Variants in ADCY2 observed in about 807,000 individuals in gnomAD.
The protein encoded by ADCY2 is adenylate cyclase 2, also known as adenylate cyclase type 2.
Under a neutral mutation model 125.2 loss-of-function variants are expected in ADCY2, and 31 were observed. The observed-to-expected ratio is 0.25, with a 90% CI of 0.19 to 0.33. The LOEUF (loss-of-function observed/expected upper bound fraction) is 0.33, where lower values mean the gene tolerates loss of function less well. Among genes scored for constraint, ADCY2 ranks in the 10% least tolerant of loss-of-function variants. ADCY2 has a pLI of 1.00. For synonymous variants in ADCY2, 512 were observed against 548.4 expected, an observed-to-expected ratio of 0.93 and a Z score of 0.93; for missense variants, 904 against 1,418.2, an observed-to-expected ratio of 0.64 and a Z score of 5.82.
chr5:7,627,131 A>G (rs959796944), intron 4 of ADCY2, among the ~76,000 whole-genome samples: 4 of 152,032 alleles, frequency 2.6e-5, no homozygotes, highest in Non-Finnish European at 5.9e-5. Flanking sequence ...CACTTCCTAC[A>G]GCGCCTGTTG....
chr5:7,416,918 C>A (rs1449084578), intron 2 of ADCY2, among the ~76,000 whole-genome samples: 1 of 152,094 alleles, frequency 6.6e-6, no homozygotes, highest in Non-Finnish European at 1.5e-5. Flanking sequence ...AGGCCAAGTA[C>A]CTCTTCTTGT....
chr5:7,404,709 A>G (rs1462722446), intron 1 of ADCY2, among the ~76,000 whole-genome samples: 1 of 152,180 alleles, frequency 6.6e-6, no homozygotes, highest in African/African-American at 2.4e-5. Flanking sequence ...CATAAAACTT[A>G]ATGACTGGAA....
chr5:7,682,685 T>C (rs1728290396), intron 4 of ADCY2, among the ~76,000 whole-genome samples: 1 of 152,188 alleles, frequency 6.6e-6, no homozygotes, highest in Non-Finnish European at 1.5e-5. Flanking sequence ...GATCATAGTG[T>C]TCCTTTTCTT....
rs74922186 is a variant in ADCY2 at position 7,773,025 on chromosome 5, T to C, written c.2308T>C (p.Leu770=). Residue 770 remains leucine (L), a synonymous_variant, in exon 18 of 25, where the codon TTG becomes CTG. Coordinates refer to ENST00000338316, the MANE Select transcript of ADCY2 (RefSeq NM_020546.3). ...ELKMLIMMVA[L]VGYNTILLHT... is the part of the protein sequence containing the mutation. ...GAAGATGTTGATCATGATGGTGGCC[T>C]TGGTGGGCTACAACACCATCCTACT... is the stretch of plus-strand genomic sequence containing the variant. 1.0e-3 allele frequency: 1,640 copies of C among 1,614,158 alleles called. 16 individuals are homozygous for C. In the African/African-American group the frequency reaches 0.02, roughly 19 times the overall value.
At chr5:7,727,333 G>T in intron 14 of ADCY2, 72 bp downstream of exon 14, 1 of 1,241,414 alleles carries the variant, frequency 8.1e-7, no homozygotes, top group Non-Finnish European at 1.2e-6. Context: ...TATATTTAAA[G>T]GTGTGAAAGG....
intron 2 of ADCY2, among the ~76,000 whole-genome samples, chr5:7,439,581 T>C (rs1740933342): frequency 6.6e-6 from 1 of 151,910 alleles, no homozygotes; most frequent in African/African-American, 2.4e-5. Flanking sequence ...TGTGTACATA[T>C]ACATTATGCA....
intron 24 of ADCY2, among the ~76,000 whole-genome samples, chr5:7,823,479 C>G (rs1579482016): frequency 1.3e-5 from 2 of 150,578 alleles, no homozygotes; most frequent in East Asian, 1.9e-4. Flanking sequence ...GCAGCCTAGT[C>G]TAATCATTTT....
intron 3 of ADCY2, among the ~76,000 whole-genome samples, chr5:7,573,215 C>A (rs567199090): frequency 1.3e-5 from 2 of 152,288 alleles, no homozygotes; most frequent in South Asian, 2.1e-4. Flanking sequence ...CGTTATGACA[C>A]CACTAGCAAA....
intron 15 of ADCY2, 28 bp downstream of exon 15, chr5:7,743,780 GA>G: frequency 6.2e-7 from 1 of 1,602,090 alleles, no homozygotes; most frequent in Non-Finnish European, 8.5e-7. Flanking sequence ...GCGCTTCTTT[GA>G]AAAGTATGCT....
chr5:7,658,492 G>A (rs1261669588), intron 4 of ADCY2, among the ~76,000 whole-genome samples: 1 of 151,520 alleles, frequency 6.6e-6, no homozygotes, highest in Non-Finnish European at 1.5e-5. Flanking sequence ...GTGCAGTGGT[G>A]TGATGCAATG....
chr5:7,528,442 C>A (rs376922105), intron 3 of ADCY2, among the ~76,000 whole-genome samples: 1 of 152,070 alleles, frequency 6.6e-6, no homozygotes, highest in African/African-American at 2.4e-5. Flanking sequence ...GACCTAGGTT[C>A]ATTTTCAGCA....
chr5:7,458,553 C>T lies in ADCY2; in HGVS notation c.408+43783C>T, dbSNP rs530467540. On this transcript the variant is annotated intron_variant, in intron 2 of 24. Transcript: ENST00000338316. ...TGTGATATTGTCAGTCTGCTCTGAA[C>T]TTCAGCTTTCTCGTTCCCAAGTTCT... Among the ~76,000 whole-genome samples the T allele has an allele frequency of 2.6e-5, 4 of 152,178 alleles. No individual in the cohort carries two copies. In the East Asian group the frequency reaches 7.7e-4, roughly 29 times the overall value.
intron 2 of ADCY2, among the ~76,000 whole-genome samples, chr5:7,495,735 G>C (rs1743325219): frequency 6.6e-6 from 1 of 152,158 alleles, no homozygotes; most frequent in Non-Finnish European, 1.5e-5. Flanking sequence ...CGTTATGCGA[G>C]TATGCTAAAT....
chr5:7,678,845 C>G (rs376982245), intron 4 of ADCY2, among the ~76,000 whole-genome samples: 2 of 152,302 alleles, frequency 1.3e-5, no homozygotes, highest in African/African-American at 4.8e-5. Context: ...CTCCTGGCTT[C>G]TGTCATTGAA....
chr5:7,801,511 A>G (rs148425957), intron 20 of ADCY2: 1 of 152,328 alleles, frequency 6.6e-6, no homozygotes, highest in East Asian at 1.9e-4. Flanking sequence ...AGCCCCCAAG[A>G]CCACCTAACA....
At chr5:7,664,547 A>G (rs530221988) in intron 4 of ADCY2, among the ~76,000 whole-genome samples, 2 of 152,174 alleles carry the variant, frequency 1.3e-5, no homozygotes, top group Non-Finnish European at 2.9e-5. Context: ...CAAACCATAC[A>G]TTCTCATCAC....
intron 2 of ADCY2, among the ~76,000 whole-genome samples, chr5:7,462,447 C>A (rs1186536276): frequency 6.6e-6 from 1 of 152,190 alleles, no homozygotes; most frequent in Non-Finnish European, 1.5e-5. Flanking sequence ...ATCTTCTTGA[C>A]ATTGACTAAA....
chr5:7,724,384 A>G (rs1477996950), intron 12 of ADCY2, among the ~76,000 whole-genome samples, 161 bp from the exon 13 acceptor site: 1 of 150,024 alleles, frequency 6.7e-6, no homozygotes, highest in Non-Finnish European at 1.5e-5. Context: ...TCCAGATTCC[A>G]TATCCAGTTA....
chr5:7,811,273 C>T lies in ADCY2; in HGVS notation c.2884-5593C>T, dbSNP rs574178578. On this transcript the variant is annotated intron_variant, in intron 22 of 24. Coordinates refer to ENST00000338316, the MANE Select transcript of ADCY2 (RefSeq NM_020546.3). ...ATCCCAGCATTTTGAGGGGCCAAGGCGGGTGGATCATGAGGTCAGGAGATC... is the reference window on the plus strand; with the variant it reads ...ATCCCAGCATTTTGAGGGGCCAAGGTGGGTGGATCATGAGGTCAGGAGATC... Among the ~76,000 whole-genome samples the T allele has an allele frequency of 3.9e-5, 6 of 152,180 alleles. No individual in the cohort carries two copies. In the South Asian group the frequency reaches 8.3e-4, roughly 21 times the overall value.
Sources: allele counts gnomAD v4.1 joint callset (sites outside exome capture counted in the v4.1 genomes callset), GRCh38; gene constraint gnomAD v4.1.1; transcripts MANE v1.5; gene names NCBI Gene and HGNC (gene_info 2026-07-23, HGNC 2026-07-21).